The following EXT1 variants were observed in gnomAD, a reference collection of about 807,000 sequenced individuals.
EXT1 encodes the protein exostosin-1.
Under a neutral mutation model 82.5 loss-of-function variants are expected in EXT1, and 20 were observed. That is an observed-to-expected ratio of 0.24 (90% CI 0.17 to 0.35). The LOEUF is 0.35. EXT1 is among the 10% of genes least tolerant of loss of function. EXT1 has a pLI of 1.00. For synonymous variants in EXT1, 348 were observed against 350.8 expected (o/e 0.99, Z 0.09); for missense variants, 757 against 936.5 (o/e 0.81, Z 2.50).
At chr8:117,851,624 CA>C in intron 1 of EXT1, among the ~76,000 whole-genome samples, 1 of 86,172 alleles carries the variant, frequency 1.2e-5, no homozygotes, top group African/African-American at 6.2e-5. Flanking sequence ...TGGACACACA[CA>C]CACACACACA....
At chr8:117,820,817 G>C (rs1204028182) in intron 5 of EXT1, among the ~76,000 whole-genome samples, 1 of 152,116 alleles carries the variant, frequency 6.6e-6, no homozygotes, top group African/African-American at 2.4e-5. Flanking sequence ...TATTATTTTG[G>C]AGAAGAAGCC....
intron 1 of EXT1, among the ~76,000 whole-genome samples, chr8:117,942,531 G>C (rs929528805): frequency 1.3e-4 from 20 of 152,210 alleles, no homozygotes; most frequent in African/African-American, 3.6e-4. Flanking sequence ...GACCAACATG[G>C]AGAAAGCCCA....
intron 8 of EXT1, among the ~76,000 whole-genome samples, chr8:117,807,805 A>G (rs1195258326): frequency 6.6e-6 from 1 of 152,202 alleles, no homozygotes; most frequent in Non-Finnish European, 1.5e-5. Flanking sequence ...CATACCCAGC[A>G]TATATCAAAG....
intron 1 of EXT1, among the ~76,000 whole-genome samples, chr8:117,980,705 T>G (rs1179118369): frequency 0.058 from 2,592 of 44,398 alleles, 93 homozygotes; most frequent in African/African-American, 0.12. Context: ...GTGGTTTTTT[T>G]TTTTTTTTTT....
intron 1 of EXT1, among the ~76,000 whole-genome samples, chr8:117,844,867 T>C (rs943323022): frequency 1.3e-5 from 2 of 151,224 alleles, no homozygotes; most frequent in African/African-American, 4.9e-5. Context: ...GGTGGTACAA[T>C]TCCTTACTCA....
chr8:118,028,609 T>A (rs1586351681), intron 1 of EXT1, among the ~76,000 whole-genome samples: 1 of 151,660 alleles, frequency 6.6e-6, no homozygotes, highest in Non-Finnish European at 1.5e-5. Context: ...AATGAGTCAA[T>A]TATAAAAAGG....
rs1039796039 is a variant in EXT1, at chr8:118,052,567, G to T, written c.962+57518C>A. Among the ~76,000 whole-genome samples the T allele has an allele frequency of 2.6e-5, 4 of 152,196 alleles. No individual in the cohort carries two copies. The East Asian group carries it at 7.7e-4, about 29-fold the overall frequency. On this transcript the variant is annotated intron_variant, in intron 1 of 10. Coordinates refer to ENST00000378204, the MANE Select transcript of EXT1 (RefSeq NM_000127.3). ...GGGCATCATAGTCACAGAATGATAT[G>T]TGCAAGGCCATAGAAGAAGCTCCAA...
chr8:117,882,850 G>T (rs1586262228), intron 1 of EXT1, among the ~76,000 whole-genome samples: 1 of 151,822 alleles, frequency 6.6e-6, no homozygotes, highest in Admixed American at 6.6e-5. Context: ...GATGGTGGGG[G>T]CCTGTAATCC....
chr8:118,076,120 A>G (rs993571421), intron 1 of EXT1, among the ~76,000 whole-genome samples: 1 of 152,234 alleles, frequency 6.6e-6, no homozygotes, highest in African/African-American at 2.4e-5. Context: ...ATATTCCAAA[A>G]GAACCTCCCA....
At chr8:118,057,580 A>G (rs894061040) in intron 1 of EXT1, among the ~76,000 whole-genome samples, 1 of 152,070 alleles carries the variant, frequency 6.6e-6, no homozygotes, top group Non-Finnish European at 1.5e-5. Flanking sequence ...AGAAGAAAGA[A>G]AAGGCAGTCT....
chr8:117,868,892 T>C (rs1408823382), intron 1 of EXT1, among the ~76,000 whole-genome samples: 3 of 152,134 alleles, frequency 2.0e-5, no homozygotes, highest in Admixed American at 6.5e-5. Context: ...CAGGGCCTGA[T>C]ACCCACTGCC....
chr8:118,090,778 C>CAAAAAAAAAAAAAAAAAAA (rs11318164), intron 1 of EXT1, among the ~76,000 whole-genome samples: 1 of 27,180 alleles, frequency 3.7e-5, no homozygotes, highest in Non-Finnish European at 6.8e-5. Flanking sequence ...GATTCTGTCT[C>CAAAAAAAAAAAAAAAAAAA]AAAAAAAAAA....
At chr8:118,009,184 G>A (rs1815844237) in intron 1 of EXT1, among the ~76,000 whole-genome samples, 1 of 152,108 alleles carries the variant, frequency 6.6e-6, no homozygotes, top group Non-Finnish European at 1.5e-5. Flanking sequence ...CTGGTGAAAG[G>A]GTCCCCTGAG....
At chr8:117,912,638 A>G (rs770933012) in intron 1 of EXT1, among the ~76,000 whole-genome samples, 1 of 152,214 alleles carries the variant, frequency 6.6e-6, no homozygotes, top group Non-Finnish European at 1.5e-5. Context: ...GAGGCCAAGG[A>G]GGAGCGACAA....
At chr8:118,091,520 C>T (rs555557943) in intron 1 of EXT1, among the ~76,000 whole-genome samples, 51 of 152,128 alleles carry the variant, frequency 3.4e-4, no homozygotes, top group East Asian at 9.7e-4. Flanking sequence ...GGGCGGATCA[C>T]GAGGTCAGGA....
chr8:118,045,181 G>A (rs778855153), intron 1 of EXT1, among the ~76,000 whole-genome samples: 26 of 152,200 alleles, frequency 1.7e-4, no homozygotes, highest in Middle Eastern at 3.4e-3. Flanking sequence ...CGAGCCCAGC[G>A]TTAGTAAATG....
At chr8:118,084,864 G>A (rs1308938720) in intron 1 of EXT1, among the ~76,000 whole-genome samples, 1 of 152,174 alleles carries the variant, frequency 6.6e-6, no homozygotes, top group African/African-American at 2.4e-5. Flanking sequence ...AAGAGCTTTT[G>A]CAAAAATTAG....
At chr8:117,885,852 T>C (rs1813138569) in intron 1 of EXT1, among the ~76,000 whole-genome samples, 1 of 152,252 alleles carries the variant, frequency 6.6e-6, no homozygotes, top group Non-Finnish European at 1.5e-5. Context: ...CCAACTCCAT[T>C]ATCTCTGTAA....
intron 10 of EXT1, among the ~76,000 whole-genome samples, chr8:117,801,725 T>C (rs185334508): frequency 6.6e-6 from 1 of 152,234 alleles, no homozygotes; most frequent in African/African-American, 2.4e-5. Context: ...AGGCTGGTCC[T>C]GAACTCCTGA....
Sources: gnomAD v4.1 joint callset for allele counts (sites outside exome capture counted in the v4.1 genomes callset) on GRCh38, gnomAD v4.1.1 for gene constraint, MANE v1.5 for transcripts, NCBI Gene and HGNC (gene_info 2026-07-23, HGNC 2026-07-21) for gene names.